The following CTSC variants were observed in gnomAD, a reference collection of about 807,000 sequenced individuals.
CTSC encodes the protein dipeptidyl peptidase 1.
Under a neutral mutation model 40.9 loss-of-function variants are expected in CTSC, and 37 were observed. That is an observed-to-expected ratio of 0.91 (90% CI 0.70 to 1.19). The LOEUF is 1.19. Ranked by LOEUF, CTSC falls within the 50% of genes most tolerant of loss-of-function variation. CTSC has a pLI of 0.00. For synonymous variants in CTSC, 232 were observed against 207.4 expected (o/e 1.12, Z -1.02); for missense variants, 594 against 567.3 (o/e 1.05, Z -0.48).
chr11:88,337,410 G>T, intron 1 of CTSC, 91 bp downstream of exon 1: 1 of 1,327,390 alleles, frequency 7.5e-7, no homozygotes, highest in Non-Finnish European at 1.1e-6. Flanking sequence ...ACAAGCGTCT[G>T]CCTGGGGGGA....
At chr11:88,306,343 C>A (rs1433913196) in intron 4 of CTSC, among the ~76,000 whole-genome samples, 7 of 152,080 alleles carry the variant, frequency 4.6e-5, no homozygotes, top group Non-Finnish European at 5.9e-5. Context: ...TCAGCAAAGG[C>A]CCCACCCTCA....
intron 2 of CTSC, chr11:88,323,792 T>C (rs980455612): frequency 2.0e-5 from 3 of 152,184 alleles, no homozygotes; most frequent in African/African-American, 4.8e-5. Context: ...AAACGTTACA[T>C]GCTCATGGAT....
chr11:88,320,204 C>T (rs535485234), intron 2 of CTSC, among the ~76,000 whole-genome samples: 40 of 152,318 alleles, frequency 2.6e-4, no homozygotes, highest in African/African-American at 9.4e-4. Flanking sequence ...AAGCAACTTC[C>T]AGCATTTTAC....
intron 2 of CTSC, among the ~76,000 whole-genome samples, chr11:88,314,701 T>A (rs1937837801): frequency 2.6e-5 from 4 of 152,140 alleles, no homozygotes; most frequent in African/African-American, 9.7e-5. Context: ...CTAATTTTTG[T>A]ATTTTTAGTA....
chr11:88,336,363 A>AC (rs1218989609), intron 1 of CTSC, among the ~76,000 whole-genome samples: 1 of 151,620 alleles, frequency 6.6e-6, no homozygotes, highest in Non-Finnish European at 1.5e-5. Flanking sequence ...ACACAGTGAA[A>AC]CCCGTCTCTA....
In CTSC at chr11:88,332,393, A is replaced by G. The variant is rs374951903; in HGVS notation, c.318+2544T>C. ...TTTCAAGCACGGTTTCCCCAGCTGC[A>G]GGAAATACCCTGATGCTTATGGTAA... On this transcript the variant is annotated intron_variant, in intron 2 of 6. Coordinates refer to ENST00000227266, the MANE Select transcript of CTSC (RefSeq NM_001814.6). Among the ~76,000 whole-genome samples the G allele has an allele frequency of 1.2e-4, 18 of 152,320 alleles. No individual in the cohort carries two copies. In the East Asian group the frequency reaches 3.3e-3, roughly 28 times the overall value.
intron 4 of CTSC, among the ~76,000 whole-genome samples, chr11:88,306,416 C>G (rs758154713): frequency 6.6e-6 from 1 of 152,098 alleles, no homozygotes; most frequent in African/African-American, 2.4e-5. Context: ...AAAAAAGGTG[C>G]CTTTTGGCCC....
At chr11:88,317,452 AT>A (rs1254742685) in intron 2 of CTSC, among the ~76,000 whole-genome samples, 1 of 152,234 alleles carries the variant, frequency 6.6e-6, no homozygotes, top group Non-Finnish European at 1.5e-5. Flanking sequence ...GAAATAATGT[AT>A]CAATTTTAGA....
chr11:88,324,338 T>G, intron 2 of CTSC: 1 of 969,390 alleles, frequency 1.0e-6, no homozygotes, highest in Non-Finnish European at 1.2e-6. Context: ...GAATATATTT[T>G]TTACATATCA....
At chr11:88,328,166 T>A (rs1391190906) in intron 2 of CTSC, 4 of 1,613,490 alleles carry the variant, frequency 2.5e-6, no homozygotes, top group Non-Finnish European at 3.4e-6. Context: ...CCCAGCTGCA[T>A]GAACAAATGA....
chr11:88,337,677 C>T lies in CTSC; in HGVS notation c.-5G>A, dbSNP rs1320153424. ...CAAGGAGGGCCCAGCACCCATGCTG[C>T]AGGGAGCTGAGAAAAGAGGTGAAGA... On this transcript the variant is annotated 5_prime_UTR_variant, in exon 1 of 7. Transcript: ENST00000227266. The T allele has an allele frequency of 1.3e-6, 2 of 1,570,028 alleles. No homozygotes were observed. Among genetic ancestry groups the T allele is most frequent in the East Asian group, 2.4e-5 (1 of 42,396 alleles).
At chr11:88,334,223 T>C (rs1384287886) in intron 2 of CTSC, among the ~76,000 whole-genome samples, 1 of 152,240 alleles carries the variant, frequency 6.6e-6, no homozygotes, top group Admixed American at 6.5e-5. Context: ...AACCATTTAA[T>C]ATTTAGCTTA....
At chr11:88,301,081 G>A (rs1944355469) in intron 4 of CTSC, among the ~76,000 whole-genome samples, 1 of 152,166 alleles carries the variant, frequency 6.6e-6, no homozygotes, top group African/African-American at 2.4e-5. Context: ...TGTAAAAGAA[G>A]TGAAGTTGGC....
intron 4 of CTSC, among the ~76,000 whole-genome samples, chr11:88,307,248 T>C (rs889893538): frequency 2.0e-5 from 3 of 152,194 alleles, no homozygotes; most frequent in African/African-American, 7.2e-5. Flanking sequence ...CAAATTCTGC[T>C]AGCTCCCCAT....
At chr11:88,322,637 A>C (rs1051832193) in intron 2 of CTSC, 9 of 152,200 alleles carry the variant, frequency 5.9e-5, no homozygotes, top group African/African-American at 1.9e-4. Context: ...AATACTACAA[A>C]CACCTCTATG....
At chr11:88,319,902 T>C (rs919839760) in intron 2 of CTSC, among the ~76,000 whole-genome samples, 1 of 152,188 alleles carries the variant, frequency 6.6e-6, no homozygotes, top group Non-Finnish European at 1.5e-5. Flanking sequence ...CCAGCAACAT[T>C]AAAAAACAAA....
intron 2 of CTSC, among the ~76,000 whole-genome samples, chr11:88,313,603 G>A (rs571450964): frequency 2.0e-5 from 3 of 152,234 alleles, no homozygotes; most frequent in African/African-American, 7.2e-5. Flanking sequence ...CCTCATGGAG[G>A]CGGGGCACAT....
At chr11:88,312,646 C>CT in intron 2 of CTSC, 92 bp from the exon 3 acceptor site, 1 of 1,323,262 alleles carries the variant, frequency 7.6e-7, no homozygotes, top group South Asian at 1.2e-5. Context: ...TAAATGTGCC[C>CT]CTTTCAAAAC....
chr11:88,300,346 T>G lies in CTSC; in HGVS notation c.757+184A>C, dbSNP rs1565251758. 2.0e-5 allele frequency among the ~76,000 whole-genome samples: 3 copies of G among 152,172 alleles called. No homozygotes were observed. The South Asian group carries it at 6.2e-4, about 32-fold the overall frequency. On this transcript the variant is annotated intron_variant, in intron 5 of 6. Transcript: ENST00000227266. ...TGCTAAGCTCAGTAGAAAAGAAAAT[T>G]TTTTACTAAAGTTTGTCATGGATAT...
Sources: gnomAD v4.1 joint callset for allele counts (sites outside exome capture counted in the v4.1 genomes callset) on GRCh38, gnomAD v4.1.1 for gene constraint, MANE v1.5 for transcripts, NCBI Gene and HGNC (gene_info 2026-07-23, HGNC 2026-07-21) for gene names.